Variants in AKR1C8 observed in about 807,000 individuals in gnomAD.
The protein encoded by AKR1C8 is aldo-keto reductase family 1 member C8, also known as aldo-keto reductase family 1 member C-like protein 1.
At chr10:5,135,294 G>C in the AKR1C8 span, 1 of 172,570 alleles carries the variant, frequency 5.8e-6, no homozygotes, top group East Asian at 1.7e-4. Flanking sequence ...ATATTCACAG[G>C]TTGTATAAAC....
the AKR1C8 span, among the ~76,000 whole-genome samples, chr10:5,138,877 T>C: frequency 2.0e-5 from 3 of 152,156 alleles, no homozygotes; most frequent in Admixed American, 6.5e-5. Context: ...TTGTCCCTGT[T>C]TGCAGATGAC....
the AKR1C8 span, among the ~76,000 whole-genome samples, chr10:5,124,362 G>A: frequency 4.6e-5 from 7 of 152,146 alleles, no homozygotes; most frequent in East Asian, 1.4e-3. Flanking sequence ...CTCCACTGAT[G>A]GTGATTATTG....
chr10:5,147,938 C>T, the AKR1C8 span, among the ~76,000 whole-genome samples: 13 of 152,294 alleles, frequency 8.5e-5, no homozygotes, highest in Admixed American at 8.5e-4. Flanking sequence ...CTGGGTGGGG[C>T]CTCCACCCAT....
chr10:5,160,517 G>A, the AKR1C8 span, among the ~76,000 whole-genome samples: 571 of 152,258 alleles, frequency 3.8e-3, 9 homozygotes, highest in Admixed American at 0.033. Flanking sequence ...ATAACATGCT[G>A]ACTCCTTTTG....
chr10:5,153,222 A>C, the AKR1C8 span, among the ~76,000 whole-genome samples: 1 of 138,884 alleles, frequency 7.2e-6, no homozygotes, highest in African/African-American at 2.7e-5. Flanking sequence ...ATGGATACTC[A>C]ATAAAGTTTT....
the AKR1C8 span, among the ~76,000 whole-genome samples, chr10:5,151,820 G>T: frequency 1.3e-5 from 2 of 152,068 alleles, no homozygotes; most frequent in Admixed American, 1.3e-4. Flanking sequence ...GCCTCCCAAA[G>T]TGCTGGGATT....
At chr10:5,152,819 A>G in the AKR1C8 span, among the ~76,000 whole-genome samples, 1 of 152,142 alleles carries the variant, frequency 6.6e-6, no homozygotes, top group Non-Finnish European at 1.5e-5. Context: ...TCAGAGTGCA[A>G]AGGGAAAATT....
chr10:5,183,992 AGTGGGCTCTG>A, the AKR1C8 span, among the ~76,000 whole-genome samples: 2 of 152,212 alleles, frequency 1.3e-5, no homozygotes, highest in South Asian at 4.1e-4. Context: ...GGTGGGCTCC[AGTGGGCTCTG>A]GTGGGCACTT....
At chr10:5,142,448 C>T in the AKR1C8 span, among the ~76,000 whole-genome samples, 19 of 152,272 alleles carry the variant, frequency 1.2e-4, no homozygotes, top group Admixed American at 7.9e-4. Context: ...TTTCAACCTA[C>T]CTCAGCCTTC....
chr10:5,136,866 A>T, the AKR1C8 span, among the ~76,000 whole-genome samples: 1 of 152,194 alleles, frequency 6.6e-6, no homozygotes, highest in Non-Finnish European at 1.5e-5. Flanking sequence ...ACGAAATAAC[A>T]TTTAGTCAAA....
At chr10:5,130,152 G>A in the AKR1C8 span, among the ~76,000 whole-genome samples, 42,293 of 151,534 alleles carry the variant, frequency 0.28, 6,740 homozygotes, top group Non-Finnish European at 0.36. Context: ...AACACAAAGA[G>A]AATTAAAAAA....
chr10:5,127,673 G>A, the AKR1C8 span, among the ~76,000 whole-genome samples: 1 of 138,564 alleles, frequency 7.2e-6, no homozygotes, highest in Non-Finnish European at 1.5e-5. Flanking sequence ...AGTGAGCCAA[G>A]ATCATGCACC....
At chr10:5,171,733 A>C in the AKR1C8 span, among the ~76,000 whole-genome samples, 2 of 152,170 alleles carry the variant, frequency 1.3e-5, no homozygotes, top group East Asian at 3.9e-4. Flanking sequence ...CTCAATTTAC[A>C]GAAAAACTGG....
chr10:5,160,064 G>T, the AKR1C8 span: 1 of 359,206 alleles, frequency 2.8e-6, no homozygotes, highest in Non-Finnish European at 5.7e-6. Context: ...TTCAATTGGC[G>T]TTTGACTTTG....
chr10:5,130,672 A>T, the AKR1C8 span, among the ~76,000 whole-genome samples: 3 of 151,954 alleles, frequency 2.0e-5, no homozygotes, highest in Non-Finnish European at 4.4e-5. Flanking sequence ...AGCCCTTTAC[A>T]ACAGCTGTAA....
chr10:5,137,141 T>G, the AKR1C8 span, among the ~76,000 whole-genome samples: 3 of 152,170 alleles, frequency 2.0e-5, no homozygotes, highest in East Asian at 5.8e-4. Flanking sequence ...TTCAGCAGGA[T>G]GTAATCTTTT....
the AKR1C8 span, among the ~76,000 whole-genome samples, chr10:5,121,797 C>T: frequency 1.3e-5 from 2 of 152,062 alleles, no homozygotes; most frequent in Non-Finnish European, 2.9e-5. Context: ...GCCTTCTAGT[C>T]TAATGGGTAA....
chr10:5,123,378 G>A, the AKR1C8 span: 1 of 327,510 alleles, frequency 3.1e-6, no homozygotes, highest in South Asian at 4.8e-5. Context: ...GATCACTTGT[G>A]CATTTTTGCC....
chr10:5,146,996 G>C, the AKR1C8 span, among the ~76,000 whole-genome samples: 4,809 of 152,272 alleles, frequency 0.032, 257 homozygotes, highest in African/African-American at 0.11. Context: ...AATTTATAAA[G>C]AAGTCTCTTT....
Sources: gnomAD v4.1 joint callset for allele counts (sites outside exome capture counted in the v4.1 genomes callset) on GRCh38, gnomAD v4.1.1 for gene constraint, MANE v1.5 for transcripts, NCBI Gene and HGNC (gene_info 2026-07-23, HGNC 2026-07-21) for gene names.